SH3KBP1: variants seen among roughly 807,000 people sequenced by gnomAD.
The protein encoded by SH3KBP1 is SH3 domain containing kinase binding protein 1.
SH3KBP1 carries 8 observed loss-of-function variants against 50.1 expected under a neutral mutation model. The ratio of observed to expected loss-of-function variants is 0.16; its 90% CI spans 0.09 to 0.29. SH3KBP1 has a LOEUF of 0.29. SH3KBP1 is among the 10% of genes least tolerant of loss of function. The probability of loss-of-function intolerance (pLI) is 1.00; values close to 1 mark genes in which losing one functional copy is unlikely to be tolerated. For missense variants in SH3KBP1, 377 were observed against 535.2 expected, an observed-to-expected ratio of 0.70 and a Z score of 2.92; for synonymous variants, 227 against 218.6, an observed-to-expected ratio of 1.04 and a Z score of -0.34.
At chrX:19,847,827 C>T (rs1035593796) in intron 1 of SH3KBP1, among the ~76,000 whole-genome samples, 1 of 112,239 alleles carries the variant, frequency 8.9e-6, no homozygotes, top group African/African-American at 3.2e-5. Context: ...TTTTCTTAAT[C>T]AACTACATTG....
At chrX:19,812,999 T>C (rs1393789630) in intron 2 of SH3KBP1, among the ~76,000 whole-genome samples, 1 of 102,996 alleles carries the variant, frequency 9.7e-6, no homozygotes, top group African/African-American at 3.6e-5. Flanking sequence ...AAAAATTAGC[T>C]AGATGTGGTG....
intron 2 of SH3KBP1, among the ~76,000 whole-genome samples, chrX:19,822,988 T>G (rs1273848923): frequency 8.9e-6 from 1 of 112,270 alleles, no homozygotes; most frequent in Non-Finnish European, 1.9e-5. Context: ...TCTAGTCAGA[T>G]TCACATGCAG....
chrX:19,557,397 C>A (rs1053953876), intron 13 of SH3KBP1, among the ~76,000 whole-genome samples: 1 of 111,983 alleles, frequency 8.9e-6, no homozygotes, highest in Non-Finnish European at 1.9e-5. Context: ...GAGGGAGATA[C>A]AGTGTTTATT....
At chrX:19,721,895 G>A (rs755452076) in intron 3 of SH3KBP1, among the ~76,000 whole-genome samples, 1 of 110,907 alleles carries the variant, frequency 9.0e-6, no homozygotes, top group Non-Finnish European at 1.9e-5. Context: ...TCAGCTACCC[G>A]GGAAGCTGAG....
chrX:19,882,214 G>C (rs769365276), intron 1 of SH3KBP1, among the ~76,000 whole-genome samples: 94 of 111,542 alleles, frequency 8.4e-4, no homozygotes, highest in Non-Finnish European at 1.5e-3. Context: ...GAAACGTCAG[G>C]TCCACCACAG....
At chrX:19,579,684 G>C (rs765822088) in intron 12 of SH3KBP1, among the ~76,000 whole-genome samples, 9 of 111,710 alleles carry the variant, frequency 8.1e-5, no homozygotes, top group Admixed American at 3.8e-4. Context: ...AAGAGAGTGA[G>C]AGAAGATAAT....
intron 8 of SH3KBP1, among the ~76,000 whole-genome samples, chrX:19,608,854 A>C (rs2067321453): frequency 8.9e-6 from 1 of 112,171 alleles, no homozygotes; most frequent in Admixed American, 9.4e-5. Flanking sequence ...TTAGATGTTG[A>C]TGGCGCACAG....
At chrX:19,788,992 C>T (rs775928570) in intron 2 of SH3KBP1, among the ~76,000 whole-genome samples, 378 of 111,055 alleles carry the variant, frequency 3.4e-3, no homozygotes, top group Non-Finnish European at 4.6e-3. Context: ...GGCATGGTGG[C>T]GCATGCCTGT....
intron 1 of SH3KBP1, among the ~76,000 whole-genome samples, chrX:19,858,324 A>C (rs2068702252): frequency 8.9e-6 from 1 of 111,921 alleles, no homozygotes; most frequent in African/African-American, 3.2e-5. Context: ...GTGCTTCACA[A>C]AAAAAATAAA....
chrX:19,598,502 G>A (rs777208675), intron 9 of SH3KBP1, among the ~76,000 whole-genome samples: 8 of 111,703 alleles, frequency 7.2e-5, no homozygotes, highest in Non-Finnish European at 1.3e-4. Flanking sequence ...TTTAGTGCAA[G>A]AGGCCTAGCT....
chrX:19,551,441 A>G (rs1420557015), intron 13 of SH3KBP1, among the ~76,000 whole-genome samples: 2 of 110,474 alleles, frequency 1.8e-5, no homozygotes, highest in African/African-American at 3.3e-5. Flanking sequence ...CCCTGCTAGA[A>G]TGTGCTTCTC....
intron 1 of SH3KBP1, among the ~76,000 whole-genome samples, chrX:19,872,715 G>A (rs1486535689): frequency 2.7e-5 from 3 of 109,539 alleles, no homozygotes. Flanking sequence ...GGCGGAGCTT[G>A]CAGTGAGCCG....
chrX:19,656,610 C>T (rs1378017943), intron 6 of SH3KBP1, among the ~76,000 whole-genome samples: 1 of 111,393 alleles, frequency 9.0e-6, no homozygotes, highest in Non-Finnish European at 1.9e-5. Context: ...GTTCAGACTC[C>T]GATTTAGAGA....
In SH3KBP1 at chrX:19,599,697, C is replaced by T. The variant is rs767754588; in HGVS notation, c.1006-4697G>A. Among the ~76,000 whole-genome samples the T allele has an allele frequency of 7.2e-5, 8 of 111,761 alleles. No homozygotes were observed. The South Asian group carries it at 2.2e-3, about 31-fold the overall frequency. ...GGTTCCATCAAACTTAGCCTTCATG[C>T]TTTTTCAAAGGAGAAAAGATGCCAT... On this transcript the variant is annotated intron_variant, in intron 9 of 17. Transcript: ENST00000397821.
At chrX:19,643,890 G>A (rs185293085) in intron 7 of SH3KBP1, among the ~76,000 whole-genome samples, 2 of 111,911 alleles carry the variant, frequency 1.8e-5, no homozygotes, top group African/African-American at 6.5e-5. Context: ...GAAGGCCAAA[G>A]GAATAAAATG....
chrX:19,742,691 A>G (rs1314364692), intron 3 of SH3KBP1, among the ~76,000 whole-genome samples: 1 of 111,463 alleles, frequency 9.0e-6, no homozygotes, highest in Non-Finnish European at 1.9e-5. Flanking sequence ...CCAATTTAGG[A>G]GGGCCCATCA....
At chrX:19,618,546 AT>A (rs2067696466) in intron 8 of SH3KBP1, among the ~76,000 whole-genome samples, 1 of 111,824 alleles carries the variant, frequency 8.9e-6, no homozygotes, top group Non-Finnish European at 1.9e-5. Flanking sequence ...ATACAAAAAA[AT>A]ACCAGAATTA....
chrX:19,856,604 A>T (rs1050855085), intron 1 of SH3KBP1, among the ~76,000 whole-genome samples: 1 of 111,306 alleles, frequency 9.0e-6, no homozygotes, highest in African/African-American at 3.3e-5. Flanking sequence ...AAAGTTTCAA[A>T]TAGCTGTAAA....
At chrX:19,802,068 G>C (rs1433715983) in intron 2 of SH3KBP1, among the ~76,000 whole-genome samples, 1 of 108,744 alleles carries the variant, frequency 9.2e-6, no homozygotes, top group South Asian at 4.1e-4. Context: ...ACAGAGCAAG[G>C]CTCTGTCTCG....
Sources: allele counts gnomAD v4.1 joint callset (sites outside exome capture counted in the v4.1 genomes callset), GRCh38; gene constraint gnomAD v4.1.1; transcripts MANE v1.5; gene names NCBI Gene and HGNC (gene_info 2026-07-23, HGNC 2026-07-21).